SGCZ: variants seen among roughly 807,000 people sequenced by gnomAD.
SGCZ encodes sarcoglycan zeta, also known as zeta-sarcoglycan.
SGCZ carries 40 observed loss-of-function variants against 41.3 expected under a neutral mutation model. The ratio of observed to expected loss-of-function variants is 0.97; its 90% CI spans 0.75 to 1.26. SGCZ has a LOEUF of 1.26. Ranked by LOEUF, SGCZ falls within the 50% of genes most tolerant of loss-of-function variation. The pLI, the probability that SGCZ is intolerant of heterozygous loss-of-function variation, is 0.00. For synonymous variants in SGCZ, 206 were observed against 137.5 expected, an observed-to-expected ratio of 1.50 and a Z score of -3.49; for missense variants, 552 against 369.8, an observed-to-expected ratio of 1.49 and a Z score of -4.04.
chr8:15,001,407 C>T (rs1802415060), intron 1 of SGCZ, among the ~76,000 whole-genome samples: 3 of 152,042 alleles, frequency 2.0e-5, no homozygotes, highest in Admixed American at 2.0e-4. Flanking sequence ...GTATCTGAAT[C>T]AGTCGTGTGC....
intron 1 of SGCZ, among the ~76,000 whole-genome samples, chr8:14,680,635 G>A (rs1186254314): frequency 1.3e-5 from 2 of 150,598 alleles, no homozygotes; most frequent in Non-Finnish European, 3.0e-5. Context: ...CAAAGTAGAA[G>A]AAGGCATGAG....
intron 3 of SGCZ, among the ~76,000 whole-genome samples, chr8:14,294,198 T>G (rs1284476923): frequency 6.6e-6 from 1 of 151,900 alleles, no homozygotes; most frequent in Non-Finnish European, 1.5e-5. Context: ...ATTTGGAAGT[T>G]TTTTAATGAT....
intron 1 of SGCZ, among the ~76,000 whole-genome samples, chr8:14,829,275 T>C (rs1379046504): frequency 8.1e-6 from 1 of 123,792 alleles, no homozygotes; most frequent in East Asian, 2.0e-4. Flanking sequence ...CTACCACTAG[T>C]AAGTTAATAA....
chr8:14,845,078 T>C (rs557535201), intron 1 of SGCZ, among the ~76,000 whole-genome samples: 1 of 152,262 alleles, frequency 6.6e-6, no homozygotes, highest in East Asian at 1.9e-4. Context: ...AGGTTTCCAC[T>C]TCAGTATTCA....
chr8:14,506,102 C>T (rs1194790378), intron 2 of SGCZ, among the ~76,000 whole-genome samples: 1 of 151,954 alleles, frequency 6.6e-6, no homozygotes, highest in Non-Finnish European at 1.5e-5. Context: ...CTTTGGGAGG[C>T]CGAGGCAGGC....
chr8:14,511,055 A>T (rs1356846618), intron 2 of SGCZ, among the ~76,000 whole-genome samples: 1 of 152,012 alleles, frequency 6.6e-6, no homozygotes, highest in Non-Finnish European at 1.5e-5. Context: ...GCAAACACAG[A>T]TGGTTACCCA....
At chr8:14,753,139 T>C (rs753869845) in intron 1 of SGCZ, among the ~76,000 whole-genome samples, 19 of 152,212 alleles carry the variant, frequency 1.2e-4, no homozygotes, top group Admixed American at 3.9e-4. Context: ...TGCATTTCTA[T>C]AATAATGGGC....
At chr8:14,311,221 T>C (rs1801531011) in intron 3 of SGCZ, among the ~76,000 whole-genome samples, 1 of 152,142 alleles carries the variant, frequency 6.6e-6, no homozygotes, top group African/African-American at 2.4e-5. Flanking sequence ...CATTTTAAAA[T>C]ATTGTCACTA....
intron 1 of SGCZ, among the ~76,000 whole-genome samples, chr8:14,608,372 G>C (rs1461864211): frequency 4.6e-5 from 7 of 151,704 alleles, no homozygotes; most frequent in African/African-American, 1.7e-4. Flanking sequence ...TCTGCAGGCT[G>C]CACAAGCATG....
intron 1 of SGCZ, among the ~76,000 whole-genome samples, chr8:14,626,676 A>T (rs567192380): frequency 2.0e-5 from 3 of 152,158 alleles, no homozygotes; most frequent in Non-Finnish European, 4.4e-5. Context: ...TCATGAAAAG[A>T]TTGGAGCTTA....
At chr8:15,047,796 C>T (rs985993434) in intron 1 of SGCZ, among the ~76,000 whole-genome samples, 1 of 151,962 alleles carries the variant, frequency 6.6e-6, no homozygotes, top group Non-Finnish European at 1.5e-5. Context: ...TATCATCGTA[C>T]CGCAGTTAAA....
chr8:15,095,283 G>C (rs1806303614), intron 1 of SGCZ, among the ~76,000 whole-genome samples: 1 of 152,044 alleles, frequency 6.6e-6, no homozygotes, highest in African/African-American at 2.4e-5. Context: ...ATTTTTAGTA[G>C]AGATGGGGTT....
intron 2 of SGCZ, among the ~76,000 whole-genome samples, chr8:14,392,758 T>G (rs1316643986): frequency 6.6e-6 from 1 of 152,190 alleles, no homozygotes; most frequent in Non-Finnish European, 1.5e-5. Context: ...AATATGCATA[T>G]TTATCATTAA....
chr8:14,642,696 TC>T (rs1372948305), intron 1 of SGCZ, among the ~76,000 whole-genome samples: 1 of 151,622 alleles, frequency 6.6e-6, no homozygotes, highest in African/African-American at 2.4e-5. Context: ...AGATAACTGG[TC>T]TTTTTTGTAA....
rs530133302 is a variant in SGCZ, at chr8:14,620,274, A to C, written c.40-65348T>G. 3.8e-3 allele frequency among the ~76,000 whole-genome samples: 576 copies of C among 152,262 alleles called. 6 individuals carry two copies. The highest frequency in any genetic ancestry group is 0.022 in the South Asian group (107 of 4,818). The stretch of plus-strand genomic sequence containing the variant: ...AAACTGGATCCCTTCCTTACACCTT[A>C]TACAAAAATTAATTCAAGATGGATT... On this transcript the variant is annotated intron_variant, in intron 1 of 7. Transcript: ENST00000382080.
At chr8:15,131,184 T>C (rs993509749) in intron 1 of SGCZ, among the ~76,000 whole-genome samples, 1 of 152,162 alleles carries the variant, frequency 6.6e-6, no homozygotes, top group Non-Finnish European at 1.5e-5. Context: ...CCAAATGTCA[T>C]CTTGAATTGT....
chr8:14,114,329 G>T (rs1030264446), intron 5 of SGCZ, among the ~76,000 whole-genome samples: 1 of 151,948 alleles, frequency 6.6e-6, no homozygotes, highest in Non-Finnish European at 1.5e-5. Flanking sequence ...AACATCCTGC[G>T]ATGATTATCT....
At chr8:14,403,691 G>A (rs116223634) in intron 2 of SGCZ, among the ~76,000 whole-genome samples, 6,087 of 152,086 alleles carry the variant, frequency 0.04, 381 homozygotes, top group African/African-American at 0.14. Context: ...ATTTCTCACA[G>A]TATTATACTT....
intron 1 of SGCZ, among the ~76,000 whole-genome samples, chr8:14,837,350 T>C (rs905312802): frequency 6.6e-6 from 1 of 152,188 alleles, no homozygotes; most frequent in Non-Finnish European, 1.5e-5. Flanking sequence ...AAATGAGATA[T>C]TCTACGAGAA....
Sources: gnomAD v4.1 joint callset for allele counts (sites outside exome capture counted in the v4.1 genomes callset) on GRCh38, gnomAD v4.1.1 for gene constraint, MANE v1.5 for transcripts, NCBI Gene and HGNC (gene_info 2026-07-23, HGNC 2026-07-21) for gene names.